Variants in DOCK8 observed in about 807,000 individuals in gnomAD.
DOCK8 encodes the protein dedicator of cytokinesis 8, also known as dedicator of cytokinesis protein 8.
A neutral mutation model predicts 245.6 loss-of-function variants in DOCK8; 141 were observed. The observed-to-expected ratio is 0.57, with a 90% CI of 0.50 to 0.66. DOCK8 has a LOEUF of 0.66. DOCK8 is among the 30% of genes least tolerant of loss of function. The probability of loss-of-function intolerance (pLI) is 0.00; values close to 1 mark genes in which losing one functional copy is unlikely to be tolerated. For synonymous variants in DOCK8, 1,168 were observed against 970.2 expected (o/e 1.20, Z -3.79); for missense variants, 2,965 against 2,603.4 (o/e 1.14, Z -3.02).
rs773615177 is a variant in DOCK8 at position 325,656 on chromosome 9, C to G, written c.828-15C>G. On this transcript the variant is annotated splice_polypyrimidine_tract_variant and intron_variant, in intron 7 of 47. Transcript: ENST00000432829. Reference sequence around the variant, plus strand: ...AACTCAAAGCCACATAGATTTTCCTCTCTTTCTATGGTAGGTTCGAGATTG... The same window carrying G: ...AACTCAAAGCCACATAGATTTTCCTGTCTTTCTATGGTAGGTTCGAGATTG... 35 of 1,611,958 alleles carry G rather than the reference C, an allele frequency of 2.2e-5. No homozygotes were observed. The East Asian group carries it at 6.2e-4, about 29-fold the overall frequency.
At chr9:223,689 A>G (rs2046931364) in intron 1 of DOCK8, among the ~76,000 whole-genome samples, 2 of 151,932 alleles carry the variant, frequency 1.3e-5, no homozygotes, top group Admixed American at 6.6e-5. Flanking sequence ...GAAAATACAG[A>G]TGATAATATG....
rs1377782438 is a variant in DOCK8 at position 260,884 on chromosome 9, T to C, written c.54-10743T>C. On this transcript the variant is annotated intron_variant, in intron 1 of 47. Transcript: ENST00000432829. ...AAAGGAATGAACAATGGGTGAACACTACAACATAGACGACTCTCAAGTACT... is the reference window on the plus strand; with the variant it reads ...AAAGGAATGAACAATGGGTGAACACCACAACATAGACGACTCTCAAGTACT... 2.0e-5 allele frequency among the ~76,000 whole-genome samples: 3 copies of C among 152,306 alleles called. No individual in the cohort carries two copies. The South Asian group carries it at 6.2e-4, about 32-fold the overall frequency.
chr9:312,318 C>CTG (rs1450804255), intron 6 of DOCK8, 152 bp downstream of exon 6: 2 of 867,574 alleles, frequency 2.3e-6, no homozygotes, highest in Non-Finnish European at 3.8e-6. Flanking sequence ...TCAGGCAAGC[C>CTG]TGTGTGTCAT....
intron 4 of DOCK8, among the ~76,000 whole-genome samples, chr9:294,141 C>T (rs1336173574): frequency 6.6e-6 from 1 of 152,212 alleles, no homozygotes; most frequent in Non-Finnish European, 1.5e-5. Context: ...TCCCATTCTA[C>T]TGAAATGCTG....
chr9:332,346 T>C (rs2051052121), intron 9 of DOCK8, 52 bp from the exon 10 acceptor site: 1 of 1,291,154 alleles, frequency 7.7e-7, no homozygotes, highest in Admixed American at 1.7e-5. Context: ...CATAGATTCC[T>C]TTTTATGGAT....
chr9:336,639 G>A lies in DOCK8; in HGVS notation c.1343G>A (p.Arg448Lys), dbSNP rs368164879. The A allele has an allele frequency of 1.3e-5, 21 of 1,614,036 alleles. No homozygotes were observed. The highest frequency in any genetic ancestry group is 8.0e-5 in the African/African-American group (6 of 74,926). ...TLAQSRRLSE[R>K]ALSLEENGVG... ...GCCCAATCTAGAAGGCTTTCTGAAA[G>A]AGCCCTCTCCTTGGAGGAAAATGGG... is the stretch of plus-strand genomic sequence containing the variant. Residue 448 changes from arginine to lysine, a missense_variant, in exon 12 of 48, where the codon AGA (arginine) becomes AAA (lysine). Physicochemically the swap from Arg to Lys is conservative, Grantham distance 26. Coordinates refer to ENST00000432829, the MANE Select transcript of DOCK8 (RefSeq NM_203447.4).
intron 14 of DOCK8, among the ~76,000 whole-genome samples, chr9:351,521 A>G (rs78389565): frequency 0.011 from 1,721 of 152,332 alleles, 41 homozygotes; most frequent in East Asian, 0.06. Flanking sequence ...TGTTAATCAC[A>G]TTGCAGTCTT....
At chr9:291,484 T>C (rs547736956) in intron 4 of DOCK8, among the ~76,000 whole-genome samples, 3 of 152,296 alleles carry the variant, frequency 2.0e-5, no homozygotes, top group Admixed American at 1.3e-4. Context: ...TTTTGTAACA[T>C]GCATTTTCAG....
intron 14 of DOCK8, among the ~76,000 whole-genome samples, chr9:354,716 G>A (rs956467564): frequency 2.6e-5 from 4 of 152,166 alleles, no homozygotes; most frequent in African/African-American, 7.2e-5. Flanking sequence ...TGAGGGCGTC[G>A]GTTCCTCACT....
rs2057007472 is a variant in DOCK8, at chr9:439,287, G to A, written c.5122G>A (p.Asp1708Asn). The A allele has an allele frequency of 2.5e-6, 4 of 1,614,168 alleles. No individual in the cohort carries two copies. The highest frequency in any genetic ancestry group is 3.4e-6 in the Non-Finnish European group (4 of 1,180,034). Residue 1708 changes from aspartate to asparagine, a missense_variant, in exon 40 of 48, where the codon GAC becomes AAC. By Grantham distance (23) the Asp-to-Asn change is conservative. Coordinates refer to ENST00000432829, the MANE Select transcript of DOCK8 (RefSeq NM_203447.4). ...GCTGGAGGAGTCTGTGGTCTCTGAG[G>A]ACACCCTGTCACCTGACGAGGATGG... ...NVLEESVVSEDTLSPDEDGVC... is the reference protein window; with the variant it reads ...NVLEESVVSENTLSPDEDGVC...
At chr9:420,371 G>A (rs1321641588) in intron 30 of DOCK8, 30 bp from the exon 31 acceptor site, 1 of 1,613,454 alleles carries the variant, frequency 6.2e-7, no homozygotes, top group East Asian at 2.2e-5. Flanking sequence ...TTCTTCCCTG[G>A]CCTCCATCCC....
intron 4 of DOCK8, among the ~76,000 whole-genome samples, chr9:300,941 T>C (rs1435510464): frequency 3.3e-5 from 5 of 152,172 alleles, no homozygotes; most frequent in Non-Finnish European, 4.4e-5. Context: ...CCAATCCTAC[T>C]GAAATTATTT....
At chr9:226,457 T>C (rs1362094097) in intron 1 of DOCK8, among the ~76,000 whole-genome samples, 1 of 152,054 alleles carries the variant, frequency 6.6e-6, no homozygotes, top group East Asian at 1.9e-4. Flanking sequence ...AAAGATCTAT[T>C]GTACAAAGAA....
chr9:384,852 C>T (rs1026172884), intron 22 of DOCK8, among the ~76,000 whole-genome samples: 1 of 152,092 alleles, frequency 6.6e-6, no homozygotes, highest in Non-Finnish European at 1.5e-5. Context: ...GGAGGCGGAG[C>T]TTGCAGTAAG....
chr9:316,463 A>G (rs2130740959), intron 6 of DOCK8, among the ~76,000 whole-genome samples: 1 of 152,288 alleles, frequency 6.6e-6, no homozygotes, highest in East Asian at 1.9e-4. Flanking sequence ...AATTTCATAT[A>G]CCTAGCACTT....
rs532373163 is a variant in DOCK8 at position 378,602 on chromosome 9, C to T, written c.2441-1169C>T. On this transcript the variant is annotated intron_variant, in intron 20 of 47. Transcript: ENST00000432829. ...AGCTCTGCCCTCCTTCGATTACTTT[C>T]TGTGCCCCCGCATATGTGGCACACT... 5.9e-5 allele frequency among the ~76,000 whole-genome samples: 9 copies of T among 152,378 alleles called. No individual in the cohort carries two copies. In the East Asian group the frequency reaches 1.7e-3, roughly 29 times the overall value.
chr9:324,885 A>G (rs761859471), intron 7 of DOCK8, among the ~76,000 whole-genome samples: 9 of 152,154 alleles, frequency 5.9e-5, no homozygotes, highest in South Asian at 2.1e-4. Flanking sequence ...GATGAATTGT[A>G]TAGTAGTAAA....
intron 24 of DOCK8, among the ~76,000 whole-genome samples, chr9:394,904 T>A (rs1185822386): frequency 6.6e-6 from 1 of 152,158 alleles, no homozygotes; most frequent in Non-Finnish European, 1.5e-5. Flanking sequence ...GTTGGAAGTA[T>A]GGTATTGTGA....
At chr9:287,570 G>C (rs2048872655) in intron 3 of DOCK8, among the ~76,000 whole-genome samples, 1 of 152,124 alleles carries the variant, frequency 6.6e-6, no homozygotes, top group African/African-American at 2.4e-5. Flanking sequence ...AGTTTAAGGA[G>C]GTTGGATGAT....
Sources: allele counts gnomAD v4.1 joint callset (sites outside exome capture counted in the v4.1 genomes callset), GRCh38; gene constraint gnomAD v4.1.1; transcripts MANE v1.5; gene names NCBI Gene and HGNC (gene_info 2026-07-23, HGNC 2026-07-21).